The following AASDH variants were observed in gnomAD, a reference collection of about 807,000 sequenced individuals.
The protein encoded by AASDH is aminoadipate-semialdehyde dehydrogenase.
In AASDH, 81 loss-of-function variants were observed where a neutral mutation model predicts 102.3. The observed-to-expected ratio is 0.79, with a 90% CI of 0.66 to 0.95. The LOEUF (loss-of-function observed/expected upper bound fraction) is 0.95, where lower values mean the gene tolerates loss of function less well. Ranked by LOEUF, AASDH falls within the 40% of genes least tolerant of loss-of-function variation. The probability of loss-of-function intolerance (pLI) is 0.00; values close to 1 mark genes in which losing one functional copy is unlikely to be tolerated. For synonymous variants in AASDH, 398 were observed against 454.0 expected, an observed-to-expected ratio of 0.88 and a Z score of 1.57; for missense variants, 1,203 against 1,266.2, an observed-to-expected ratio of 0.95 and a Z score of 0.76.
chr4:56,362,554 C>T (rs999325777), intron 5 of AASDH, among the ~76,000 whole-genome samples: 6 of 152,146 alleles, frequency 3.9e-5, no homozygotes, highest in South Asian at 2.1e-4. Flanking sequence ...CGTGAGCCAC[C>T]GTGCCTGGCC....
intron 1 of AASDH, among the ~76,000 whole-genome samples, chr4:56,385,945 T>TTTTA (rs1296078627): frequency 6.6e-6 from 1 of 151,550 alleles, no homozygotes; most frequent in African/African-American, 2.4e-5. Flanking sequence ...TTTTTTTTAA[T>TTTTA]TTATTCACAC....
At chr4:56,378,516 C>G (rs1752613360) in intron 3 of AASDH, 52 bp from the exon 4 acceptor site, 1 of 1,366,890 alleles carries the variant, frequency 7.3e-7, no homozygotes, top group African/African-American at 1.5e-5. Flanking sequence ...AAAAGATATT[C>G]TTCTTTATAT....
intron 11 of AASDH, 43 bp downstream of exon 11, chr4:56,349,220 G>A: frequency 6.3e-7 from 1 of 1,582,538 alleles, no homozygotes. Flanking sequence ...TTATTGTATG[G>A]TAATTCAATT....
At position 56,349,392 on chromosome 4, in the gene AASDH, T is replaced by G. The variant is rs61735109; in HGVS notation, c.2359A>C (p.Ile787Leu). 3.7e-6 allele frequency: 6 copies of G among 1,614,184 alleles called. No homozygotes were observed. In the Admixed American group the frequency reaches 6.7e-5, roughly 18 times the overall value. ...TFDKSSTTVYIGSHSHRMKAV... is the reference protein window; with the variant it reads ...TFDKSSTTVYLGSHSHRMKAV... The stretch of plus-strand genomic sequence containing the variant: ...TTCATTCTATGAGAATGGGAACCAA[T>G]GTACACAGTTGTAGATGACTTATCA... Residue 787 changes from isoleucine to leucine, a missense_variant, in exon 11 of 15, where the codon ATT becomes CTT. By Grantham distance (5) the Ile-to-Leu change is conservative. Transcript: ENST00000205214.
rs1309563912 is a variant in AASDH, at chr4:56,385,326, T to C, written c.-42-985A>G. Among the ~76,000 whole-genome samples, 3 of 152,340 alleles carry C rather than the reference T, an allele frequency of 2.0e-5. No homozygotes were observed. In the South Asian group the frequency reaches 6.2e-4, roughly 32 times the overall value. On this transcript the variant is annotated intron_variant, in intron 1 of 14. Coordinates refer to ENST00000205214, the MANE Select transcript of AASDH (RefSeq NM_181806.4). ...CAAGAAGTAAACTCTTCATACTGTA[T>C]AGTTTATTTTTAAATTGCCAATAAG...
chr4:56,370,466 T>G (rs1372509843), intron 5 of AASDH, among the ~76,000 whole-genome samples: 1 of 151,962 alleles, frequency 6.6e-6, no homozygotes, highest in Non-Finnish European at 1.5e-5. Flanking sequence ...GCAATGGTAT[T>G]AGGAGGTAGG....
At chr4:56,381,353 T>C (rs1752924496) in intron 3 of AASDH, among the ~76,000 whole-genome samples, 1 of 152,152 alleles carries the variant, frequency 6.6e-6, no homozygotes, top group East Asian at 1.9e-4. Context: ...GGCAGAACAC[T>C]TGAGGTCAGA....
At chr4:56,365,076 C>T (rs150700436) in intron 5 of AASDH, among the ~76,000 whole-genome samples, 4,303 of 151,986 alleles carry the variant, frequency 0.028, 119 homozygotes, top group Admixed American at 0.074. Flanking sequence ...ATCCTAGTCT[C>T]GGATAAAATA....
At chr4:56,379,981 T>C (rs190102959) in intron 3 of AASDH, among the ~76,000 whole-genome samples, 1 of 152,288 alleles carries the variant, frequency 6.6e-6, no homozygotes, top group Admixed American at 6.5e-5. Context: ...AGTGACAGGA[T>C]CCAATTGAAG....
chr4:56,354,080 T>C lies in AASDH; in HGVS notation c.1342A>G (p.Lys448Glu), dbSNP rs1749297258. The C allele has an allele frequency of 1.2e-6, 2 of 1,613,132 alleles. No individual in the cohort carries two copies. The change falls in exon 8 of 15, where the codon AAA (lysine) becomes GAA (glutamate). Residue 448 changes from lysine (K) to glutamate (E), a missense_variant. Coordinates refer to ENST00000205214, the MANE Select transcript of AASDH (RefSeq NM_181806.4). ...FFLGRKDSQI[K>E]RHGKRLNIEL... ...ATGTTAAGACGTTTGCCATGACGTTTGATCTGACTGTCTTTTCGTCCCAAA... is the reference window on the plus strand; with the variant it reads ...ATGTTAAGACGTTTGCCATGACGTTCGATCTGACTGTCTTTTCGTCCCAAA...
Position 56,354,669 on chromosome 4 carries a change from G to GA in AASDH, c.1210+35dup, listed in dbSNP as rs762089614. 7.0e-4 allele frequency: 1,017 copies of GA among 1,454,978 alleles called. 1 individual carries two copies. Among genetic ancestry groups the GA allele is most frequent in the South Asian group, 1.0e-3 (81 of 79,662 alleles). The allele number at this position is 1,454,978 out of a possible 1,614,324, so 90.1% of individuals were successfully genotyped here. A position where few individuals can be genotyped will look rare whatever the true frequency, so the allele number is the denominator to read the frequency against. On this transcript the variant is annotated intron_variant, in intron 7 of 14. Coordinates refer to ENST00000205214, the MANE Select transcript of AASDH (RefSeq NM_181806.4). ...ATTAACACATCAGATCATTTTTCTT[G>GA]AAAAAAAAATTCCCAATCAACAAAT...
chr4:56,343,741 AC>A (rs1747987764), intron 12 of AASDH, 57 bp from the exon 13 acceptor site: 1 of 1,517,068 alleles, frequency 6.6e-7, no homozygotes, highest in South Asian at 1.3e-5. Flanking sequence ...AATCCATATA[AC>A]CTACCCTTCA....
At chr4:56,371,405 A>G (rs750742525) in intron 5 of AASDH, 46 bp downstream of exon 5, 7 of 1,525,484 alleles carry the variant, frequency 4.6e-6, no homozygotes, top group Non-Finnish European at 5.3e-6. Context: ...AACACTTAAA[A>G]TATTGAAAAA....
chr4:56,348,476 A>G (rs1399566902), intron 11 of AASDH, among the ~76,000 whole-genome samples: 1 of 152,080 alleles, frequency 6.6e-6, no homozygotes, highest in Non-Finnish European at 1.5e-5. Context: ...GCTGGTCTCG[A>G]ACTCCTGGGC....
intron 1 of AASDH, among the ~76,000 whole-genome samples, chr4:56,385,721 C>A (rs1468655441): frequency 2.0e-5 from 3 of 152,278 alleles, no homozygotes; most frequent in African/African-American, 7.2e-5. Context: ...CCTCAAGCTC[C>A]CGAGTAGCTG....
intron 12 of AASDH, 61 bp from the exon 13 acceptor site, chr4:56,343,745 A>G: frequency 2.0e-6 from 3 of 1,492,430 alleles, no homozygotes; most frequent in Non-Finnish European, 2.7e-6. Flanking sequence ...CATATAACCT[A>G]CCCTTCATGA....
rs1296362608 is a variant in AASDH, at chr4:56,371,488, C to A, written c.824G>T (p.Ser275Ile). Reference protein sequence around the residue: ...SVKLLPSKLASVLFSHHRVTV... With the variant: ...SVKLLPSKLAIVLFSHHRVTV... ...CACTCTATGATGGGAAAAGAGAACGCTGGCTAATTTTGATGGGAGCAACTT... is the reference window on the plus strand; with the variant it reads ...CACTCTATGATGGGAAAAGAGAACGATGGCTAATTTTGATGGGAGCAACTT... The change falls in exon 5 of 15, where the codon AGC becomes ATC. Residue 275 changes from serine (S) to isoleucine (I), a missense_variant. By Grantham distance (142) the Ser-to-Ile change is moderately radical. Coordinates refer to ENST00000205214, the MANE Select transcript of AASDH (RefSeq NM_181806.4). The A allele has an allele frequency of 6.2e-7, 1 of 1,612,846 alleles. No homozygotes were observed. Among genetic ancestry groups the A allele is most frequent in the Admixed American group, 1.7e-5 (1 of 59,550 alleles).
intron 5 of AASDH, chr4:56,357,011 C>A: frequency 2.7e-6 from 1 of 366,324 alleles, no homozygotes. Flanking sequence ...CTAAGTAAAA[C>A]AATAATGAAT....
chr4:56,343,150 T>C (rs561775895), intron 13 of AASDH, among the ~76,000 whole-genome samples, 184 bp from the exon 14 acceptor site: 13 of 152,180 alleles, frequency 8.5e-5, no homozygotes, highest in African/African-American at 3.1e-4. Flanking sequence ...TTATGAGAAC[T>C]AGGAAAAAGG....
Sources: allele counts gnomAD v4.1 joint callset (sites outside exome capture counted in the v4.1 genomes callset), GRCh38; gene constraint gnomAD v4.1.1; transcripts MANE v1.5; gene names NCBI Gene and HGNC (gene_info 2026-07-23, HGNC 2026-07-21).